The following TENM3 variants were observed in gnomAD, a reference collection of about 807,000 sequenced individuals.
TENM3 encodes the protein teneurin transmembrane protein 3.
In TENM3, 63 loss-of-function variants were observed where a neutral mutation model predicts 255.1. The observed-to-expected ratio is 0.25, with a 90% confidence interval of 0.20 to 0.30. The LOEUF is 0.30. Among genes scored for constraint, TENM3 ranks in the 10% least tolerant of loss-of-function variants. TENM3 has a pLI of 1.00. For synonymous variants in TENM3, 1,306 were observed against 1,322.3 expected (o/e 0.99, Z 0.27); for missense variants, 2,929 against 3,461.1 (o/e 0.85, Z 3.86).
At chr4:181,772,804 T>C in the TENM3 span, among the ~76,000 whole-genome samples, 2,406 of 152,286 alleles carry the variant, frequency 0.016, 72 homozygotes, top group African/African-American at 0.055. Context: ...TTGAATTTCA[T>C]ATGTTATCTG....
At chr4:182,323,752 AG>A (rs1193021811) in intron 1 of TENM3, among the ~76,000 whole-genome samples, 193 bp from the exon 2 acceptor site, 1 of 152,210 alleles carries the variant, frequency 6.6e-6, no homozygotes, top group Non-Finnish European at 1.5e-5. Flanking sequence ...ACTCACCAGC[AG>A]AAAGCGTGCT....
At chr4:182,731,559 A>C (rs1760708950) in intron 16 of TENM3, among the ~76,000 whole-genome samples, 1 of 151,962 alleles carries the variant, frequency 6.6e-6, no homozygotes. Flanking sequence ...ATAGAATTCC[A>C]GTGCTATCTT....
intron 15 of TENM3, among the ~76,000 whole-genome samples, chr4:182,730,593 G>T (rs1330782858): frequency 6.6e-6 from 1 of 152,154 alleles, no homozygotes; most frequent in African/African-American, 2.4e-5. Flanking sequence ...ATCTTTAGGG[G>T]TAATATTTTA....
the TENM3 span, among the ~76,000 whole-genome samples, chr4:182,107,151 T>C: frequency 4.8e-5 from 7 of 146,066 alleles, no homozygotes; most frequent in Non-Finnish European, 7.6e-5. Context: ...AAACAGAACA[T>C]ACACACACAC....
At chr4:181,566,181 A>G in the TENM3 span, among the ~76,000 whole-genome samples, 1 of 152,198 alleles carries the variant, frequency 6.6e-6, no homozygotes, top group Admixed American at 6.5e-5. Context: ...CTTTTGCAAG[A>G]TTTTTTAGAA....
At chr4:181,891,263 T>C in the TENM3 span, among the ~76,000 whole-genome samples, 2 of 152,218 alleles carry the variant, frequency 1.3e-5, no homozygotes, top group Non-Finnish European at 2.9e-5. Flanking sequence ...TGTTCCCTAA[T>C]AGGAGGAAAA....
chr4:181,912,676 G>A, the TENM3 span, among the ~76,000 whole-genome samples: 1 of 148,852 alleles, frequency 6.7e-6, no homozygotes, highest in East Asian at 2.0e-4. Context: ...GGAGGCTGAG[G>A]AAGAAGAATC....
chr4:182,552,412 C>T (rs938961390), intron 3 of TENM3, among the ~76,000 whole-genome samples: 1 of 152,194 alleles, frequency 6.6e-6, no homozygotes, highest in African/African-American at 2.4e-5. Context: ...CAAAGATGTA[C>T]AAGACTTTGT....
chr4:182,112,140 G>C, the TENM3 span, among the ~76,000 whole-genome samples: 1 of 152,108 alleles, frequency 6.6e-6, no homozygotes. Context: ...GGGTGACAGA[G>C]GGAAATCCTC....
At chr4:182,563,892 G>T (rs1243340081) in intron 3 of TENM3, among the ~76,000 whole-genome samples, 1 of 152,144 alleles carries the variant, frequency 6.6e-6, no homozygotes, top group Non-Finnish European at 1.5e-5. Context: ...GAAATAGTTT[G>T]TGTCCATTCT....
At chr4:182,029,351 A>G in the TENM3 span, among the ~76,000 whole-genome samples, 2 of 152,154 alleles carry the variant, frequency 1.3e-5, no homozygotes, top group Non-Finnish European at 2.9e-5. Context: ...GGGCAAGGAC[A>G]CACATCCAAA....
chr4:181,676,898 C>T, the TENM3 span, among the ~76,000 whole-genome samples: 1 of 151,916 alleles, frequency 6.6e-6, no homozygotes, highest in South Asian at 2.1e-4. Flanking sequence ...TAGAGATCTT[C>T]ATTCATGACC....
intron 3 of TENM3, among the ~76,000 whole-genome samples, chr4:182,446,497 A>C (rs887286550): frequency 6.6e-6 from 1 of 152,186 alleles, no homozygotes; most frequent in Non-Finnish European, 1.5e-5. Flanking sequence ...AAAACCTTTC[A>C]TTCTTCCATT....
At chr4:182,033,207 T>A in the TENM3 span, among the ~76,000 whole-genome samples, 1 of 152,058 alleles carries the variant, frequency 6.6e-6, no homozygotes, top group African/African-American at 2.4e-5. Flanking sequence ...TCTTACTACT[T>A]CTTTAGCTGC....
chr4:181,973,514 G>A, the TENM3 span, among the ~76,000 whole-genome samples: 3 of 152,158 alleles, frequency 2.0e-5, no homozygotes, highest in African/African-American at 4.8e-5. Context: ...CTTGAGGCTG[G>A]GAGTTTGAGA....
chr4:182,417,059 C>T (rs1195254472), intron 3 of TENM3, among the ~76,000 whole-genome samples: 2 of 152,030 alleles, frequency 1.3e-5, no homozygotes, highest in East Asian at 1.9e-4. Context: ...CTGCAAGCTC[C>T]GCCTCCCGGG....
chr4:181,758,623 G>T, the TENM3 span, among the ~76,000 whole-genome samples: 5 of 152,148 alleles, frequency 3.3e-5, no homozygotes, highest in Admixed American at 6.6e-5. Flanking sequence ...GAACAGAATA[G>T]ATTAATAAAT....
intron 3 of TENM3, among the ~76,000 whole-genome samples, chr4:182,418,009 A>C (rs987955802): frequency 6.6e-6 from 1 of 152,204 alleles, no homozygotes; most frequent in Non-Finnish European, 1.5e-5. Flanking sequence ...AAATTCTATA[A>C]TTTGGCCCTA....
At chr4:181,941,072 T>G in the TENM3 span, among the ~76,000 whole-genome samples, 1 of 152,216 alleles carries the variant, frequency 6.6e-6, no homozygotes, top group Non-Finnish European at 1.5e-5. Context: ...TTCAGAAGAC[T>G]GCGAGAATGG....
Sources: allele counts gnomAD v4.1 joint callset (sites outside exome capture counted in the v4.1 genomes callset), GRCh38; gene constraint gnomAD v4.1.1; transcripts MANE v1.5; gene names NCBI Gene and HGNC (gene_info 2026-07-23, HGNC 2026-07-21).